EFHC1: variants seen among roughly 807,000 people sequenced by gnomAD.
EFHC1 encodes the protein EF-hand domain containing 1.
A neutral mutation model predicts 69.9 loss-of-function variants in EFHC1; 53 were observed. That is an observed-to-expected ratio of 0.76 (90% CI 0.61 to 0.95). The LOEUF (loss-of-function observed/expected upper bound fraction) is 0.95, where lower values mean the gene tolerates loss of function less well. Among genes scored for constraint, EFHC1 ranks in the 40% least tolerant of loss-of-function variants. The probability of loss-of-function intolerance (pLI) is 0.00; values close to 1 mark genes in which losing one functional copy is unlikely to be tolerated. For missense variants in EFHC1, 739 were observed against 798.7 expected, an observed-to-expected ratio of 0.93 and a Z score of 0.90; for synonymous variants, 256 against 278.4, an observed-to-expected ratio of 0.92 and a Z score of 0.80.
At chr6:52,429,909 G>T (rs1764380884) in intron 2 of EFHC1, 1 of 151,940 alleles carries the variant, frequency 6.6e-6, no homozygotes, top group Admixed American at 6.6e-5. Flanking sequence ...CCTTGTAGAG[G>T]TCTTTCACCT....
chr6:52,490,045 C>A (rs1765863564), intron 9 of EFHC1, 95 bp from the exon 10 acceptor site: 2 of 1,152,742 alleles, frequency 1.7e-6, no homozygotes, highest in Non-Finnish European at 2.5e-6. Flanking sequence ...TGATTAGAAG[C>A]TTCCCTGATT....
intron 1 of EFHC1, chr6:52,420,921 C>T (rs1385395589): frequency 2.4e-6 from 2 of 830,216 alleles, no homozygotes; most frequent in African/African-American, 3.6e-5. Flanking sequence ...CCCCCCGCCA[C>T]TATGCACCTT....
chr6:52,478,990 C>T, intron 7 of EFHC1, 47 bp from the exon 8 acceptor site: 4 of 1,582,492 alleles, frequency 2.5e-6, no homozygotes, highest in Non-Finnish European at 3.5e-6. Context: ...GGCACATCTG[C>T]ATAGACCATG....
intron 5 of EFHC1, among the ~76,000 whole-genome samples, chr6:52,459,106 A>G (rs895017192): frequency 1.3e-5 from 2 of 152,186 alleles, no homozygotes; most frequent in Non-Finnish European, 2.9e-5. Flanking sequence ...TTGAAGAACT[A>G]CCTATCAGGT....
intron 6 of EFHC1, among the ~76,000 whole-genome samples, chr6:52,467,710 T>C (rs1765341760): frequency 6.6e-6 from 1 of 152,218 alleles, no homozygotes; most frequent in African/African-American, 2.4e-5. Context: ...TAATAAAACA[T>C]CTATACATAT....
chr6:52,470,321 G>A (rs1050827731), intron 7 of EFHC1, among the ~76,000 whole-genome samples: 1 of 152,088 alleles, frequency 6.6e-6, no homozygotes, highest in Admixed American at 6.6e-5. Flanking sequence ...AGGCCAACTA[G>A]AACACTCTCC....
intron 2 of EFHC1, among the ~76,000 whole-genome samples, chr6:52,427,661 T>A (rs183376193): frequency 1.3e-5 from 2 of 151,818 alleles, no homozygotes; most frequent in African/African-American, 4.8e-5. Flanking sequence ...TAAGGACTTA[T>A]ATAGTTTATT....
intron 1 of EFHC1, 21 bp downstream of exon 1, chr6:52,420,494 C>T (rs778708804): frequency 1.2e-6 from 2 of 1,614,170 alleles, no homozygotes; most frequent in Admixed American, 3.3e-5. Flanking sequence ...ATCTGCCAGA[C>T]TCCCACCTGT....
intron 3 of EFHC1, among the ~76,000 whole-genome samples, chr6:52,450,526 T>C (rs977083609): frequency 1.2e-4 from 18 of 152,296 alleles, no homozygotes; most frequent in African/African-American, 3.8e-4. Flanking sequence ...GTTAGTTTTT[T>C]TTGTTGAGTT....
At position 52,464,987 on chromosome 6, in the gene EFHC1, A is replaced by G. The variant is rs757932002; in HGVS notation, c.1009A>G (p.Ile337Val). The change falls in exon 6 of 11, where the codon ATC becomes GTC. Residue 337 changes from isoleucine to valine, a missense_variant. Physicochemically the swap from Ile to Val is conservative, Grantham distance 29. Transcript: ENST00000371068. ...KDFIVGKSLTILGRTFFIYDC... is the reference protein window; with the variant it reads ...KDFIVGKSLTVLGRTFFIYDC... ...CTTCATTGTTGGGAAGTCACTCACT[A>G]TCCTTGGGAGAACTTTCTTCATTTA... 2.5e-6 allele frequency: 4 copies of G among 1,614,166 alleles called. No homozygotes were observed. The highest frequency in any genetic ancestry group is 2.5e-6 in the Non-Finnish European group (3 of 1,180,016).
rs189498218 is a variant in EFHC1 at position 52,434,095 on chromosome 6, G to A, written c.286-4209G>A. On this transcript the variant is annotated intron_variant, in intron 2 of 10. Coordinates refer to ENST00000371068, the MANE Select transcript of EFHC1 (RefSeq NM_018100.4). ...TGAGCAAGGCTGAGAACTTGCCCCA[G>A]GCTACCTGCCTCCCAGCTTTGAAAG... Among the ~76,000 whole-genome samples, 847 of 152,266 alleles carry A rather than the reference G, an allele frequency of 5.6e-3. 14 individuals are homozygous for A. Among genetic ancestry groups the A allele is most frequent in the African/African-American group, 0.019 (777 of 41,536 alleles).
chr6:52,433,423 G>A (rs935703414), intron 2 of EFHC1, among the ~76,000 whole-genome samples: 1 of 152,094 alleles, frequency 6.6e-6, no homozygotes, highest in Non-Finnish European at 1.5e-5. Flanking sequence ...TCTGAGAGCC[G>A]AGCTGTAGTG....
Position 52,461,155 on chromosome 6 carries a change from C to CAGATT in EFHC1, c.917-3739_917-3738insGATTA, listed in dbSNP as rs202183754. Among the ~76,000 whole-genome samples the CAGATT allele has an allele frequency of 5.6e-3, 847 of 152,094 alleles. 8 individuals are homozygous for CAGATT. The highest frequency in any genetic ancestry group is 0.019 in the African/African-American group (797 of 41,504). On this transcript the variant is annotated intron_variant, in intron 5 of 10. Transcript: ENST00000371068. ...GCTTGTGTCATGCAGGTTTGTTGTA[C>CAGATT]ATTTTGTCTCCCAGGTATTAAGCCT...
intron 9 of EFHC1, chr6:52,482,631 G>T (rs1228748042): frequency 2.5e-6 from 1 of 392,530 alleles, no homozygotes; most frequent in South Asian, 1.4e-4. Flanking sequence ...AACATTTTAT[G>T]ATTTTTGCTT....
chr6:52,485,110 T>C (rs1455359855), intron 9 of EFHC1: 2 of 152,080 alleles, frequency 1.3e-5, no homozygotes, highest in African/African-American at 4.8e-5. Flanking sequence ...ACAAATATGA[T>C]AGCTCTCCAG....
At chr6:52,463,751 GA>G (rs1292419373) in intron 5 of EFHC1, among the ~76,000 whole-genome samples, 2 of 152,202 alleles carry the variant, frequency 1.3e-5, no homozygotes, top group Non-Finnish European at 2.9e-5. Context: ...TATACTAAAG[GA>G]AGTTAATATA....
At chr6:52,470,607 C>G (rs1341442860) in intron 7 of EFHC1, among the ~76,000 whole-genome samples, 1 of 152,214 alleles carries the variant, frequency 6.6e-6, no homozygotes, top group Non-Finnish European at 1.5e-5. Context: ...TGTCCCAGGT[C>G]CAGTGCTGCT....
chr6:52,462,196 A>G (rs1332614909), intron 5 of EFHC1, among the ~76,000 whole-genome samples: 3 of 152,096 alleles, frequency 2.0e-5, no homozygotes, highest in East Asian at 3.9e-4. Context: ...ATTGAAAAAC[A>G]TATTTTCAGA....
At chr6:52,453,376 G>A (rs1312929259) in intron 4 of EFHC1, 1 of 1,287,010 alleles carries the variant, frequency 7.8e-7, no homozygotes, top group African/African-American at 1.5e-5. Flanking sequence ...TCTCCCTTGT[G>A]AGCTGATGTG....
Sources: gnomAD v4.1 joint callset for allele counts (sites outside exome capture counted in the v4.1 genomes callset) on GRCh38, gnomAD v4.1.1 for gene constraint, MANE v1.5 for transcripts, NCBI Gene and HGNC (gene_info 2026-07-23, HGNC 2026-07-21) for gene names.